CUBN: variants seen among roughly 807,000 people sequenced by gnomAD.
CUBN encodes the protein cubilin.
Under a neutral mutation model 405.3 loss-of-function variants are expected in CUBN, and 282 were observed. The ratio of observed to expected loss-of-function variants is 0.70; its 90% confidence interval spans 0.63 to 0.77. CUBN has a LOEUF of 0.77. Among genes scored for constraint, CUBN ranks in the 30% least tolerant of loss-of-function variants. The pLI is 0.00. For missense variants in CUBN, 4,514 were observed against 4,475.2 expected (o/e 1.01, Z -0.25); for synonymous variants, 1,684 against 1,617.0 (o/e 1.04, Z -0.99).
intron 28 of CUBN, among the ~76,000 whole-genome samples, chr10:17,000,265 C>A (rs1000077750): frequency 6.6e-6 from 1 of 152,190 alleles, no homozygotes; most frequent in African/African-American, 2.4e-5. Flanking sequence ...GGCAACTGAC[C>A]AGATGATCTC....
intron 55 of CUBN, 40 bp downstream of exon 55, chr10:16,890,331 C>G: frequency 1.2e-6 from 2 of 1,610,240 alleles, no homozygotes; most frequent in Non-Finnish European, 1.7e-6. Context: ...CAACCACACT[C>G]CCGCAAAGAC....
Position 16,925,581 on chromosome 10 carries a change from T to G in CUBN, c.6462+3A>C. Reference sequence around the variant, plus strand: ...AATTAGAAAGGGTAGCAGCAAGACCTACCACCAAGTAATCCCCCTGGTTGC... The same window carrying G: ...AATTAGAAAGGGTAGCAGCAAGACCGACCACCAAGTAATCCCCCTGGTTGC... On this transcript the variant is annotated splice_donor_region_variant and intron_variant, in intron 42 of 66. Coordinates refer to ENST00000377833, the MANE Select transcript of CUBN (RefSeq NM_001081.4). 1 of 1,613,866 alleles carries G rather than the reference T, an allele frequency of 6.2e-7. No individual in the cohort carries two copies. The highest frequency in any genetic ancestry group is 8.5e-7 in the Non-Finnish European group (1 of 1,179,944).
In CUBN at chr10:16,929,392, T is replaced by C. The variant is rs190756623; in HGVS notation, c.6125-1089A>G. 9.8e-5 allele frequency among the ~76,000 whole-genome samples: 15 copies of C among 152,330 alleles called. No individual in the cohort carries two copies. The East Asian group carries it at 2.9e-3, about 29-fold the overall frequency. On this transcript the variant is annotated intron_variant, in intron 40 of 66. Transcript: ENST00000377833. ...CGTGGCTGGGAAAATATGTTGTTTT[T>C]TTCTCTTTTGTCCTAAGGCAGAGAA...
At chr10:16,885,048 A>G (rs1188283507) in intron 56 of CUBN, among the ~76,000 whole-genome samples, 1 of 152,194 alleles carries the variant, frequency 6.6e-6, no homozygotes, top group Non-Finnish European at 1.5e-5. Flanking sequence ...ATCCCAATAT[A>G]TTGCACATGA....
chr10:17,111,646 G>A (rs113232627), intron 8 of CUBN, among the ~76,000 whole-genome samples: 3 of 152,162 alleles, frequency 2.0e-5, no homozygotes, highest in African/African-American at 7.2e-5. Flanking sequence ...AAATGTGGCT[G>A]GGCAAGGTGG....
chr10:16,891,888 A>G lies in CUBN; in HGVS notation c.8599-1361T>C, dbSNP rs569324596. On this transcript the variant is annotated intron_variant, in intron 54 of 66. Coordinates refer to ENST00000377833, the MANE Select transcript of CUBN (RefSeq NM_001081.4). ...TAGGGGCCAGGACTATTGCTACACA[A>G]TCTGCAATACCCAATATGCCCTTTC... Among the ~76,000 whole-genome samples the G allele has an allele frequency of 1.4e-4, 22 of 152,162 alleles. No homozygotes were observed. The South Asian group carries it at 1.5e-3, about 10-fold the overall frequency.
At chr10:16,897,573 G>C (rs182887125) in intron 54 of CUBN, among the ~76,000 whole-genome samples, 68 of 152,216 alleles carry the variant, frequency 4.5e-4, no homozygotes, top group Middle Eastern at 3.4e-3. Flanking sequence ...GGACAAAGAG[G>C]CTTCCCAGAC....
intron 56 of CUBN, among the ~76,000 whole-genome samples, chr10:16,881,877 C>G (rs948613375): frequency 6.6e-6 from 1 of 152,146 alleles, no homozygotes; most frequent in East Asian, 1.9e-4. Context: ...ATATCATATT[C>G]TAAAGTTCTA....
At chr10:16,927,816 A>C (rs553077735) in intron 41 of CUBN, among the ~76,000 whole-genome samples, 2 of 152,352 alleles carry the variant, frequency 1.3e-5, no homozygotes, top group Admixed American at 1.3e-4. Flanking sequence ...TGAGTTATGG[A>C]TATGAGCTGT....
In CUBN at chr10:16,946,684, C is replaced by T. The variant is rs555299775; in HGVS notation, c.5342+551G>A. 3.1e-4 allele frequency among the ~76,000 whole-genome samples: 47 copies of T among 151,802 alleles called. No individual in the cohort carries two copies. The East Asian group carries it at 7.6e-3, about 24-fold the overall frequency. On this transcript the variant is annotated intron_variant, in intron 36 of 66. Coordinates refer to ENST00000377833, the MANE Select transcript of CUBN (RefSeq NM_001081.4). ...CTAATTTTTGTATTTTTAGTAGAGA[C>T]GGGGTTTCGTCATGTTGGCCGGGCT...
At chr10:16,844,842 A>G (rs1839468067) in intron 60 of CUBN, among the ~76,000 whole-genome samples, 2 of 152,070 alleles carry the variant, frequency 1.3e-5, no homozygotes, top group Admixed American at 1.3e-4. Context: ...AATGATGAGG[A>G]GGGGGAATCA....
At chr10:16,833,171 T>G (rs1217250503) in intron 64 of CUBN, among the ~76,000 whole-genome samples, 1 of 152,176 alleles carries the variant, frequency 6.6e-6, no homozygotes, top group Non-Finnish European at 1.5e-5. Flanking sequence ...GCACTGTGAC[T>G]CCAACCTAAC....
chr10:16,996,973 A>C (rs906005333), intron 28 of CUBN, among the ~76,000 whole-genome samples: 2 of 152,268 alleles, frequency 1.3e-5, no homozygotes, highest in South Asian at 4.1e-4. Context: ...AGTGAAAGAG[A>C]ATTAAATTTT....
chr10:16,894,374 G>T (rs1380358883), intron 54 of CUBN, among the ~76,000 whole-genome samples: 1 of 151,832 alleles, frequency 6.6e-6, no homozygotes, highest in African/African-American at 2.4e-5. Context: ...TTTGAGTGAG[G>T]TTTTCTACAA....
chr10:17,050,922 T>C (rs1835250732), intron 22 of CUBN, among the ~76,000 whole-genome samples: 2 of 152,160 alleles, frequency 1.3e-5, no homozygotes, highest in Non-Finnish European at 2.9e-5. Context: ...ATCAGCTAGA[T>C]ATCAAACTAG....
chr10:17,003,301 A>G (rs1188794394), intron 28 of CUBN, among the ~76,000 whole-genome samples: 1 of 152,124 alleles, frequency 6.6e-6, no homozygotes. Flanking sequence ...CGACACTGTG[A>G]AAGCAATTCC....
Position 17,065,600 on chromosome 10 carries a change from C to G in CUBN, c.3047G>C (p.Ser1016Thr). 1 of 1,613,622 alleles carries G rather than the reference C, an allele frequency of 6.2e-7. No homozygotes were observed. Among genetic ancestry groups the G allele is most frequent in the Non-Finnish European group, 8.5e-7 (1 of 1,179,618 alleles). ...AAACACCAGCATCAATGAGTTACCACTGCTTGTGAGAGATGGCGGGATCGA... is the reference window on the plus strand; with the variant it reads ...AAACACCAGCATCAATGAGTTACCAGTGCTTGTGAGAGATGGCGGGATCGA... The part of the protein sequence containing the change: ...GKSIPPSLTS[S>T]GNSLMLVFVT... The change falls in exon 22 of 67, where the codon AGT becomes ACT. Residue 1016 changes from serine (S) to threonine (T), a missense_variant. By Grantham distance (58) the Ser-to-Thr change is moderately conservative. Coordinates refer to ENST00000377833, the MANE Select transcript of CUBN (RefSeq NM_001081.4).
chr10:17,086,128 G>A (rs1173187081), intron 15 of CUBN, among the ~76,000 whole-genome samples: 1 of 152,040 alleles, frequency 6.6e-6, no homozygotes, highest in African/African-American at 2.4e-5. Flanking sequence ...ACCACGCCCA[G>A]CTATTTGTTG....
At chr10:16,971,995 G>A (rs766111939) in intron 31 of CUBN, among the ~76,000 whole-genome samples, 7 of 152,056 alleles carry the variant, frequency 4.6e-5, no homozygotes, top group Non-Finnish European at 8.8e-5. Context: ...TATTAAAGAC[G>A]GAATCCAGGG....
Sources: gnomAD v4.1 joint callset for allele counts (sites outside exome capture counted in the v4.1 genomes callset) on GRCh38, gnomAD v4.1.1 for gene constraint, MANE v1.5 for transcripts, NCBI Gene and HGNC (gene_info 2026-07-23, HGNC 2026-07-21) for gene names.